FGF13: variants seen among roughly 807,000 people sequenced by gnomAD.
FGF13 encodes the protein fibroblast growth factor homologous factor 2.
Under a neutral mutation model 19.5 loss-of-function variants are expected in FGF13, and 2 were observed. That is an observed-to-expected ratio of 0.10 (90% CI 0.04 to 0.32). The LOEUF is 0.32. Ranked by LOEUF, FGF13 falls within the 10% of genes least tolerant of loss-of-function variation. FGF13 has a pLI of 1.00. For synonymous variants in FGF13, 72 were observed against 76.9 expected, an observed-to-expected ratio of 0.94 and a Z score of 0.33; for missense variants, 113 against 192.7, an observed-to-expected ratio of 0.59 and a Z score of 2.45.
chrX:138,691,946 CTAT>C (rs2089842527), intron 3 of FGF13, among the ~76,000 whole-genome samples: 1 of 111,882 alleles, frequency 8.9e-6, no homozygotes, highest in African/African-American at 3.2e-5. Context: ...TTGGTTACAG[CTAT>C]TATAATGATC....
At chrX:139,195,140 T>C (rs1039359888) in intron 1 of FGF13, among the ~76,000 whole-genome samples, 2 of 104,628 alleles carry the variant, frequency 1.9e-5, no homozygotes, top group African/African-American at 3.5e-5. Context: ...ACACAGGAAC[T>C]GAGGGAGGCT....
intron 1 of FGF13, among the ~76,000 whole-genome samples, chrX:138,866,626 C>T (rs2091325611): frequency 9.0e-6 from 1 of 110,737 alleles, no homozygotes; most frequent in Admixed American, 9.7e-5. Flanking sequence ...CCTGTATACT[C>T]CTTGAGGCTT....
chrX:138,715,972 G>A (rs1209003177), upstream of FGF13: 4 of 112,230 alleles, frequency 3.6e-5, no homozygotes, highest in African/African-American at 1.3e-4. Flanking sequence ...CCAAACAGAT[G>A]TGACTGTGAT....
chrX:139,112,748 T>G (rs2083612480), intron 1 of FGF13, among the ~76,000 whole-genome samples: 1 of 112,115 alleles, frequency 8.9e-6, no homozygotes, highest in Middle Eastern at 4.2e-3. Context: ...AGTGACACAA[T>G]GTATACACAG....
chrX:139,155,621 G>C (rs963352926), intron 1 of FGF13, among the ~76,000 whole-genome samples: 2 of 112,389 alleles, frequency 1.8e-5, no homozygotes, highest in Non-Finnish European at 3.8e-5. Flanking sequence ...GGTAGGGACT[G>C]TAAGTTTCTG....
intron 1 of FGF13, among the ~76,000 whole-genome samples, chrX:139,174,998 A>T (rs1479383335): frequency 8.9e-6 from 1 of 111,965 alleles, no homozygotes; most frequent in East Asian, 2.8e-4. Context: ...GTATGGCCAT[A>T]TTCATGATAT....
intron 1 of FGF13, among the ~76,000 whole-genome samples, chrX:138,907,644 G>C (rs2091564981): frequency 8.9e-6 from 1 of 111,768 alleles, no homozygotes; most frequent in Admixed American, 9.5e-5. Context: ...TTGAGGGCAG[G>C]GATGTGGCTG....
intron 1 of FGF13, among the ~76,000 whole-genome samples, chrX:138,954,694 T>A (rs1459679477): frequency 9.0e-6 from 1 of 111,716 alleles, no homozygotes; most frequent in Non-Finnish European, 1.9e-5. Context: ...TTTAAAATGA[T>A]CTGAGAGATC....
exon 3 of FGF13, chrX:138,857,596 C>G (rs867886693): frequency 8.3e-7 from 1 of 1,207,892 alleles, no homozygotes; most frequent in Non-Finnish European, 1.1e-6. Context: ...AAGGGGGACT[C>G]TTTTTTCTTT....
chrX:138,736,808 T>C (rs2090278774), intron 1 of FGF13, among the ~76,000 whole-genome samples: 2 of 109,595 alleles, frequency 1.8e-5, no homozygotes, highest in South Asian at 8.2e-4. Context: ...TAAGTCAATA[T>C]GATACATGGA....
chrX:139,000,824 GA>G (rs1442273565), intron 1 of FGF13, among the ~76,000 whole-genome samples: 2 of 111,304 alleles, frequency 1.8e-5, no homozygotes, highest in South Asian at 7.7e-4. Context: ...CACAGAATTG[GA>G]AAAAAACAAC....
At chrX:138,822,640 G>C (rs1365539483) in intron 3 of FGF13, among the ~76,000 whole-genome samples, 1 of 112,172 alleles carries the variant, frequency 8.9e-6, no homozygotes, top group Admixed American at 9.4e-5. Flanking sequence ...TGAAAGAAGG[G>C]CAACAGATAC....
intron 3 of FGF13, among the ~76,000 whole-genome samples, chrX:138,816,494 T>A (rs2090962498): frequency 8.9e-6 from 1 of 112,622 alleles, no homozygotes; most frequent in Non-Finnish European, 1.9e-5. Flanking sequence ...ACCAACAATA[T>A]GAAAATATGT....
chrX:138,695,498 A>G (rs1044088285), intron 3 of FGF13, among the ~76,000 whole-genome samples: 3 of 112,073 alleles, frequency 2.7e-5, no homozygotes, highest in Non-Finnish European at 5.6e-5. Context: ...CATTACTGTC[A>G]GTATATAAGA....
At chrX:138,705,110 GC>G (rs1317124391) in intron 2 of FGF13, among the ~76,000 whole-genome samples, 1 of 112,014 alleles carries the variant, frequency 8.9e-6, no homozygotes. Context: ...TGGTTTAAAA[GC>G]CATATCACTA....
At chrX:139,020,144 C>CA (rs1260346128) in intron 1 of FGF13, among the ~76,000 whole-genome samples, 3 of 111,147 alleles carry the variant, frequency 2.7e-5, no homozygotes, top group African/African-American at 9.8e-5. Flanking sequence ...ATAAGAAGGA[C>CA]AAAAAATGAT....
chrX:138,953,255 G>C (rs1050284413), intron 1 of FGF13, among the ~76,000 whole-genome samples: 1 of 111,006 alleles, frequency 9.0e-6, no homozygotes, highest in Non-Finnish European at 1.9e-5. Context: ...GCCATAAAAA[G>C]GGATGAGTTC....
intron 4 of FGF13, 66 bp downstream of exon 4, chrX:138,635,391 G>A: frequency 9.3e-7 from 1 of 1,078,575 alleles, no homozygotes; most frequent in East Asian, 3.2e-5. Flanking sequence ...CAAAACTATT[G>A]AAATTTAATA....
intron 1 of FGF13, among the ~76,000 whole-genome samples, chrX:139,046,984 C>T (rs1037171130): frequency 9.0e-5 from 10 of 111,731 alleles, no homozygotes; most frequent in Non-Finnish European, 1.7e-4. Context: ...CCTCAAAACC[C>T]TGGAACAATG....
Sources: gnomAD v4.1 joint callset for allele counts (sites outside exome capture counted in the v4.1 genomes callset) on GRCh38, gnomAD v4.1.1 for gene constraint, MANE v1.5 for transcripts, NCBI Gene and HGNC (gene_info 2026-07-23, HGNC 2026-07-21) for gene names.